Variants in PIK3C2B observed in about 807,000 individuals in gnomAD.
PIK3C2B encodes the protein phosphatidylinositol 4-phosphate 3-kinase C2 domain-containing subunit beta.
In PIK3C2B, 83 loss-of-function variants were observed where a neutral mutation model predicts 184.3. The ratio of observed to expected loss-of-function variants is 0.45; its 90% CI spans 0.38 to 0.54. PIK3C2B has a LOEUF of 0.54. PIK3C2B is among the 20% of genes least tolerant of loss of function. The probability of loss-of-function intolerance (pLI) is 0.00; values close to 1 mark genes in which losing one functional copy is unlikely to be tolerated. For missense variants in PIK3C2B, 1,736 were observed against 2,113.5 expected, an observed-to-expected ratio of 0.82 and a Z score of 3.50; for synonymous variants, 779 against 837.6, an observed-to-expected ratio of 0.93 and a Z score of 1.21.
At chr1:204,487,142 G>A (rs562041778) in intron 1 of PIK3C2B, among the ~76,000 whole-genome samples, 1 of 152,138 alleles carries the variant, frequency 6.6e-6, no homozygotes, top group Non-Finnish European at 1.5e-5. Flanking sequence ...GTTTCACTCT[G>A]TTGCCCAGGC....
intron 32 of PIK3C2B, 24 bp downstream of exon 32, chr1:204,425,589 T>C (rs1270405230): frequency 6.2e-7 from 1 of 1,613,366 alleles, no homozygotes; most frequent in Non-Finnish European, 8.5e-7. Context: ...ACCCCTGCCC[T>C]ACCCCACCAT....
intron 23 of PIK3C2B, among the ~76,000 whole-genome samples, chr1:204,437,913 C>T (rs1310326958): frequency 6.6e-6 from 1 of 152,120 alleles, no homozygotes; most frequent in Non-Finnish European, 1.5e-5. Context: ...GGGAAGAGGG[C>T]TAGAGGAATG....
At chr1:204,475,891 C>T (rs1656668715) in intron 1 of PIK3C2B, among the ~76,000 whole-genome samples, 1 of 152,142 alleles carries the variant, frequency 6.6e-6, no homozygotes, top group Non-Finnish European at 1.5e-5. Flanking sequence ...GAAGCCCACC[C>T]CTCTGACAGA....
Position 204,422,832 on chromosome 1 carries a change from C to T in PIK3C2B, c.*2020G>A, listed in dbSNP as rs906963860. On this transcript the variant is annotated 3_prime_UTR_variant, in exon 33 of 33. Transcript: ENST00000684373. Reference sequence around the variant, plus strand: ...TGGAAAAGTTTCACCGCCCACTCCCCACTCCTCTTCCCCCTCCTGGAAGCA... The same window carrying T: ...TGGAAAAGTTTCACCGCCCACTCCCTACTCCTCTTCCCCCTCCTGGAAGCA... The T allele has an allele frequency of 2.0e-5, 3 of 152,594 alleles. No individual in the cohort carries two copies. Among genetic ancestry groups the T allele is most frequent in the Admixed American group, 6.5e-5 (1 of 15,274 alleles). The allele number at this position is 152,594 out of a possible 1,614,324, so 9.5% of individuals were successfully genotyped here. A position where few individuals can be genotyped will look rare whatever the true frequency, so the allele number is the denominator to read the frequency against.
intron 10 of PIK3C2B, 151 bp from the exon 11 acceptor site, chr1:204,456,202 C>T (rs146917131): frequency 2.3e-5 from 12 of 517,402 alleles, no homozygotes; most frequent in East Asian, 1.6e-4. Flanking sequence ...CACCCATCTG[C>T]GGTAAAATGA....
At chr1:204,425,777 T>G in intron 31 of PIK3C2B, 36 bp from the exon 32 acceptor site, 3 of 1,599,418 alleles carry the variant, frequency 1.9e-6, no homozygotes, top group Non-Finnish European at 2.6e-6. Flanking sequence ...ATGTTAAGAT[T>G]TTTAACATCT....
Position 204,447,247 on chromosome 1 carries a change from T to A in PIK3C2B, c.2489+189A>T, listed in dbSNP as rs1653956109. On this transcript the variant is annotated intron_variant, in intron 15 of 32. Transcript: ENST00000684373. The surrounding 1 kb of genome is among the most constrained non-coding windows in gnomAD (Gnocchi z 4.1). ...GGACTTGGGTATTCTCAGATCTAAT[T>A]TCCTGACCTTGACCTCTCCACTTTT... is the stretch of plus-strand genomic sequence containing the variant. 6.6e-6 allele frequency among the ~76,000 whole-genome samples: 1 copy of A among 152,068 alleles called. No individual in the cohort carries two copies. The highest frequency in any genetic ancestry group is 1.5e-5 in the Non-Finnish European group (1 of 68,014).
intron 2 of PIK3C2B, among the ~76,000 whole-genome samples, chr1:204,465,577 G>C (rs989206627): frequency 6.6e-6 from 1 of 152,194 alleles, no homozygotes; most frequent in African/African-American, 2.4e-5. Flanking sequence ...CTTCAGGAGG[G>C]GACAGTCTGA....
At position 204,456,090 on chromosome 1, in the gene PIK3C2B, C is replaced by T. The variant is rs780625720; in HGVS notation, c.1748-39G>A. The T allele has an allele frequency of 4.5e-6, 7 of 1,544,056 alleles. No individual in the cohort carries two copies. In the Admixed American group the frequency reaches 1.2e-4, roughly 27 times the overall value. ...GGGTCAGAAGGGAAAGTCATGAGGC[C>T]TCCACAAGCCCTACCTTGTTGCCAT... On this transcript the variant is annotated intron_variant, in intron 10 of 32. Coordinates refer to ENST00000684373, the MANE Select transcript of PIK3C2B (RefSeq NM_001377334.1).
At position 204,422,970 on chromosome 1, in the gene PIK3C2B, G is replaced by T. The variant is rs1674567025; in HGVS notation, c.*1882C>A. 1 of 152,244 alleles carries T rather than the reference G, an allele frequency of 6.6e-6. No individual in the cohort carries two copies. Among genetic ancestry groups the T allele is most frequent in the South Asian group, 2.1e-4 (1 of 4,828 alleles). The allele number at this position is 152,244 out of a possible 1,614,324, so 9.4% of individuals were successfully genotyped here. The stretch of plus-strand genomic sequence containing the variant: ...CAGTTATGGAATGAGTCAGCAAAAC[G>T]GGGAGTTTCTGATCCTTGGAATTAG... On this transcript the variant is annotated 3_prime_UTR_variant, in exon 33 of 33. Transcript: ENST00000684373.
intron 3 of PIK3C2B, among the ~76,000 whole-genome samples, 194 bp from the exon 4 acceptor site, chr1:204,464,798 T>C (rs1306859813): frequency 2.0e-5 from 3 of 152,216 alleles, no homozygotes; most frequent in Admixed American, 1.3e-4. Flanking sequence ...ACTTCTCTTA[T>C]AATTGCAAAA....
At position 204,433,683 on chromosome 1, in the gene PIK3C2B, G is replaced by T; in HGVS notation, c.3843+110C>A. ...TCTAGGGCAGGCAGGTATTCAGTTG[G>T]GGCTCAGAGAGGTAAATCTCTAGAA... On this transcript the variant is annotated intron_variant, in intron 25 of 32. Transcript: ENST00000684373. The surrounding 1 kb of genome is among the most constrained non-coding windows in gnomAD (Gnocchi z 5.0). 1 of 1,071,698 alleles carries T rather than the reference G, an allele frequency of 9.3e-7. No homozygotes were observed. Among genetic ancestry groups the T allele is most frequent in the South Asian group, 1.4e-5 (1 of 70,030 alleles). The allele number at this position is 1,071,698 out of a possible 1,614,324, so 66.4% of individuals were successfully genotyped here.
At chr1:204,446,880 G>A (rs1217474190) in intron 15 of PIK3C2B, among the ~76,000 whole-genome samples, 2 of 152,144 alleles carry the variant, frequency 1.3e-5, no homozygotes, top group African/African-American at 4.8e-5. Context: ...ACAGAGAGCA[G>A]ACAGCGGAAC....
chr1:204,453,513 T>C (rs1654551111), intron 12 of PIK3C2B, among the ~76,000 whole-genome samples: 1 of 152,094 alleles, frequency 6.6e-6, no homozygotes, highest in Non-Finnish European at 1.5e-5. Context: ...TTTGAAAAAA[T>C]GAGGCACAGA....
chr1:204,440,218 C>T lies in PIK3C2B; in HGVS notation c.3353G>A (p.Arg1118His), dbSNP rs747107584. The T allele has an allele frequency of 2.0e-5, 32 of 1,612,504 alleles. No homozygotes were observed. The highest frequency in any genetic ancestry group is 2.2e-5 in the South Asian group (2 of 91,064). The part of the protein sequence containing the change: ...EGLDMRMVIF[R>H]CFSTGRGRGM... Reference sequence around the variant, plus strand: ...TCTGCCCCGGCCGGTGGAGAAGCAGCGGAAGATGACCATGCGCATGTCCAG... The same window carrying T: ...TCTGCCCCGGCCGGTGGAGAAGCAGTGGAAGATGACCATGCGCATGTCCAG... The change falls in exon 22 of 33, where the codon CGC (arginine) becomes CAC (histidine). Residue 1118 changes from arginine (R) to histidine (H), a missense_variant. Arg to His is a conservative substitution (Grantham distance 29). Around this residue, in one of 8 missense-constraint regions of PIK3C2B, gnomAD observed 289 missense variants for 380.4 expected, o/e 0.76. Coordinates refer to ENST00000684373, the MANE Select transcript of PIK3C2B (RefSeq NM_001377334.1).
intron 1 of PIK3C2B, among the ~76,000 whole-genome samples, chr1:204,477,117 A>G (rs1188225836): frequency 6.6e-6 from 1 of 152,186 alleles, no homozygotes; most frequent in African/African-American, 2.4e-5. Context: ...CCATGAGCAC[A>G]CCCACAAAAC....
intron 8 of PIK3C2B, among the ~76,000 whole-genome samples, chr1:204,459,664 T>C (rs966543542): frequency 3.3e-5 from 5 of 152,088 alleles, no homozygotes; most frequent in South Asian, 2.1e-4. Context: ...GCTTCTTCTA[T>C]AGAGGAGCAG....
At position 204,425,050 on chromosome 1, in the gene PIK3C2B, T is replaced by G. The variant is rs756250390; in HGVS notation, c.4717-10A>C. 1.7e-5 allele frequency: 28 copies of G among 1,607,998 alleles called. No individual in the cohort carries two copies. The East Asian group carries it at 6.2e-4, about 36-fold the overall frequency. On this transcript the variant is annotated splice_polypyrimidine_tract_variant and intron_variant, in intron 32 of 32. Coordinates refer to ENST00000684373, the MANE Select transcript of PIK3C2B (RefSeq NM_001377334.1). ...TCCCATCATATACCAACTGCAAACA[T>G]AGAGATGGGTGAGGGAAGTGGTGAG...
intron 1 of PIK3C2B, among the ~76,000 whole-genome samples, chr1:204,477,133 AT>A (rs1203205684): frequency 6.6e-6 from 1 of 152,202 alleles, no homozygotes; most frequent in East Asian, 1.9e-4. Flanking sequence ...AAAACTTAAC[AT>A]TGACAACAAT....
Sources: allele counts gnomAD v4.1 joint callset (sites outside exome capture counted in the v4.1 genomes callset), GRCh38; gene constraint gnomAD v4.1.1; regional missense constraint gnomAD v4.1.1; non-coding constraint Gnocchi (gnomAD v3.1); transcripts MANE v1.5; gene names NCBI Gene and HGNC (gene_info 2026-07-23, HGNC 2026-07-21).